Variants in CNTNAP2 observed in about 807,000 individuals in gnomAD.
CNTNAP2 encodes the protein contactin associated protein 2, also known as contactin-associated protein-like 2.
A neutral mutation model predicts 155.2 loss-of-function variants in CNTNAP2; 98 were observed. The observed-to-expected ratio is 0.63, with a 90% CI of 0.54 to 0.75. The LOEUF (loss-of-function observed/expected upper bound fraction) is 0.75. Among genes scored for constraint, CNTNAP2 ranks in the 30% least tolerant of loss-of-function variants. The probability of loss-of-function intolerance (pLI) is 0.00; values close to 1 mark genes in which losing one functional copy is unlikely to be tolerated. For missense variants in CNTNAP2, 1,727 were observed against 1,688.1 expected (o/e 1.02, Z -0.40); for synonymous variants, 651 against 631.2 (o/e 1.03, Z -0.47).
intron 1 of CNTNAP2, among the ~76,000 whole-genome samples, chr7:146,479,929 C>T (rs577168918): frequency 1.3e-5 from 2 of 152,100 alleles, no homozygotes; most frequent in African/African-American, 2.4e-5. Flanking sequence ...GGATTACAGG[C>T]GCCCGCCAAC....
chr7:147,802,445 A>G (rs1220498864), intron 13 of CNTNAP2, among the ~76,000 whole-genome samples: 3 of 152,104 alleles, frequency 2.0e-5, no homozygotes. Flanking sequence ...TGGAAGTTGT[A>G]GCGAGCCGAG....
At chr7:147,388,630 G>T (rs1796660424) in intron 9 of CNTNAP2, among the ~76,000 whole-genome samples, 2 of 151,706 alleles carry the variant, frequency 1.3e-5, no homozygotes, top group African/African-American at 4.8e-5. Flanking sequence ...ACCCAGGCTG[G>T]AGTGCAATGG....
At chr7:147,417,665 T>G (rs1797218470) in intron 10 of CNTNAP2, among the ~76,000 whole-genome samples, 1 of 152,220 alleles carries the variant, frequency 6.6e-6, no homozygotes, top group Non-Finnish European at 1.5e-5. Flanking sequence ...AGCAATGTAA[T>G]TATTATTGTA....
At chr7:146,688,614 C>G (rs767147170) in intron 1 of CNTNAP2, among the ~76,000 whole-genome samples, 2 of 151,988 alleles carry the variant, frequency 1.3e-5, no homozygotes, top group Admixed American at 6.6e-5. Flanking sequence ...AGGTGGGACA[C>G]GAGCAAATCA....
At chr7:147,958,233 A>G (rs1307886628) in intron 14 of CNTNAP2, among the ~76,000 whole-genome samples, 1 of 152,188 alleles carries the variant, frequency 6.6e-6, no homozygotes, top group Non-Finnish European at 1.5e-5. Context: ...CCTTTATCCA[A>G]TATTACTCAT....
intron 17 of CNTNAP2, among the ~76,000 whole-genome samples, chr7:148,169,261 C>G (rs1043861100): frequency 6.6e-6 from 1 of 152,046 alleles, no homozygotes; most frequent in Non-Finnish European, 1.5e-5. Context: ...TTTTTGCCCC[C>G]GTCGAGCAGA....
chr7:146,495,826 A>T (rs554564595), intron 1 of CNTNAP2, among the ~76,000 whole-genome samples: 1 of 152,158 alleles, frequency 6.6e-6, no homozygotes, highest in Admixed American at 6.5e-5. Context: ...AGGTAGGCTT[A>T]TGGGTACAAG....
At chr7:147,576,494 G>C (rs1800398877) in intron 12 of CNTNAP2, among the ~76,000 whole-genome samples, 1 of 152,008 alleles carries the variant, frequency 6.6e-6, no homozygotes, top group Admixed American at 6.6e-5. Flanking sequence ...AAATATTCTA[G>C]AAGCAGGATT....
In CNTNAP2 at chr7:147,483,115, T is replaced by A. The variant is rs1251963405; in HGVS notation, c.1671-2820T>A. Among the ~76,000 whole-genome samples, 5 of 152,062 alleles carry A rather than the reference T, an allele frequency of 3.3e-5. 1 individual carries two copies. In the South Asian group the frequency reaches 6.2e-4, roughly 19 times the overall value. ...GAAAAATATTAAAATTGTATCTAAA[T>A]AAAAAATACTTTTAAAGAAATCCTT... On this transcript the variant is annotated intron_variant, in intron 10 of 23. Coordinates refer to ENST00000361727, the MANE Select transcript of CNTNAP2 (RefSeq NM_014141.6).
At chr7:147,281,892 G>A (rs1055962583) in intron 8 of CNTNAP2, among the ~76,000 whole-genome samples, 8 of 151,744 alleles carry the variant, frequency 5.3e-5, no homozygotes, top group African/African-American at 1.9e-4. Context: ...TATGACCTGT[G>A]TGATCATCAG....
At chr7:147,842,582 C>CTTTTT (rs1563108253) in intron 13 of CNTNAP2, among the ~76,000 whole-genome samples, 23 of 55,130 alleles carry the variant, frequency 4.2e-4, no homozygotes, top group Non-Finnish European at 6.7e-4. Context: ...TTACTTTTTA[C>CTTTTT]TTTTCTTTTT....
At chr7:147,615,341 C>T (rs959732119) in intron 12 of CNTNAP2, among the ~76,000 whole-genome samples, 2 of 133,926 alleles carry the variant, frequency 1.5e-5, no homozygotes, top group African/African-American at 2.8e-5. Context: ...ATTGGCCAGG[C>T]ATTGTGGTTC....
intron 11 of CNTNAP2, among the ~76,000 whole-genome samples, chr7:147,523,359 G>T (rs1799262620): frequency 1.3e-5 from 2 of 152,152 alleles, no homozygotes; most frequent in South Asian, 4.1e-4. Context: ...CCACAGTCTT[G>T]TAATAGTCTA....
chr7:147,107,726 A>G (rs1255116390), intron 4 of CNTNAP2, among the ~76,000 whole-genome samples: 1 of 152,156 alleles, frequency 6.6e-6, no homozygotes, highest in Non-Finnish European at 1.5e-5. Context: ...TACATCAAAG[A>G]AAACAACTTT....
Position 147,150,908 on chromosome 7 carries a change from A to G in CNTNAP2, c.1348+18399A>G, listed in dbSNP as rs73154377. Among the ~76,000 whole-genome samples the G allele has an allele frequency of 6.1e-3, 930 of 152,336 alleles. 3 individuals carry two copies. The highest frequency in any genetic ancestry group is 9.8e-3 in the Non-Finnish European group (664 of 68,020). On this transcript the variant is annotated intron_variant, in intron 8 of 23. Transcript: ENST00000361727. ...AACCCCAAAAGAAACCCAAAGGACT[A>G]TAAAGAAATAGAATATCAGCCAAGG...
At chr7:147,808,949 G>C (rs1798137262) in intron 13 of CNTNAP2, among the ~76,000 whole-genome samples, 1 of 152,126 alleles carries the variant, frequency 6.6e-6, no homozygotes, top group Non-Finnish European at 1.5e-5. Context: ...ACCAAGATGA[G>C]CCCATTACAT....
intron 15 of CNTNAP2, among the ~76,000 whole-genome samples, chr7:148,077,003 A>G (rs1246729677): frequency 6.6e-6 from 1 of 152,122 alleles, no homozygotes; most frequent in African/African-American, 2.4e-5. Flanking sequence ...AGCTTGAGAA[A>G]TATTAATACT....
chr7:146,572,936 C>G (rs576895959), intron 1 of CNTNAP2, among the ~76,000 whole-genome samples: 1 of 152,122 alleles, frequency 6.6e-6, no homozygotes, highest in South Asian at 2.1e-4. Flanking sequence ...GTTTAACAAA[C>G]TGGTGATATG....
At position 148,055,039 on chromosome 7, in the gene CNTNAP2, C is replaced by A. The variant is rs540682484; in HGVS notation, c.2384-63079C>A. 1.4e-4 allele frequency among the ~76,000 whole-genome samples: 21 copies of A among 152,034 alleles called. No homozygotes were observed. The East Asian group carries it at 3.5e-3, about 25-fold the overall frequency. The stretch of plus-strand genomic sequence containing the variant: ...CTGGGATTACAAGTGGACACCACCA[C>A]GCCTGGCTAATTTTTTTGTATTTTT... On this transcript the variant is annotated intron_variant, in intron 15 of 23. Coordinates refer to ENST00000361727, the MANE Select transcript of CNTNAP2 (RefSeq NM_014141.6).
Sources: allele counts gnomAD v4.1 joint callset (sites outside exome capture counted in the v4.1 genomes callset), GRCh38; gene constraint gnomAD v4.1.1; transcripts MANE v1.5; gene names NCBI Gene and HGNC (gene_info 2026-07-23, HGNC 2026-07-21).